TRIM3: variants seen among roughly 807,000 people sequenced by gnomAD.
The protein encoded by TRIM3 is tripartite motif containing 3, also known as tripartite motif-containing protein 3.
TRIM3 carries 13 observed loss-of-function variants against 66.6 expected under a neutral mutation model. The ratio of observed to expected loss-of-function variants is 0.20; its 90% CI spans 0.13 to 0.31. TRIM3 has a LOEUF of 0.31. TRIM3 is among the 10% of genes least tolerant of loss of function. The probability of loss-of-function intolerance (pLI) is 1.00; values close to 1 mark genes in which losing one functional copy is unlikely to be tolerated. For missense variants in TRIM3, 711 were observed against 1,020.4 expected (o/e 0.70, Z 4.13); for synonymous variants, 406 against 411.7 (o/e 0.99, Z 0.17).
chr11:6,467,719 C>T lies in TRIM3; in HGVS notation c.-37-1987G>A, dbSNP rs780505279. 2.0e-4 allele frequency among the ~76,000 whole-genome samples: 31 copies of T among 151,946 alleles called. 2 individuals are homozygous for T. Among genetic ancestry groups the T allele is most frequent in the Non-Finnish European group, 2.9e-4 (20 of 68,010 alleles). ...GGTCGAGGCTGCAGTGAGCCATAAT[C>T]GTGCCACTGCACTCTAGCCTGGCAT... On this transcript the variant is annotated intron_variant, in intron 1 of 11. Coordinates refer to ENST00000345851, the MANE Select transcript of TRIM3 (RefSeq NM_033278.4).
rs976900104 is a variant in TRIM3, at chr11:6,448,674, T to C, written c.*354A>G. 2.5e-5 allele frequency: 14 copies of C among 568,180 alleles called. No homozygotes were observed. Among genetic ancestry groups the C allele is most frequent in the Non-Finnish European group, 3.8e-5 (12 of 317,288 alleles). 35.2% of individuals were successfully genotyped at this position (568,180 alleles called of 1,614,324 possible). The stretch of plus-strand genomic sequence containing the variant: ...GTATTGCTGTCTCTGTCAGTGTGTA[T>C]AGGGTGGTAGGGAGACAACTAGAGG... On this transcript the variant is annotated 3_prime_UTR_variant, in exon 12 of 12. Coordinates refer to ENST00000345851, the MANE Select transcript of TRIM3 (RefSeq NM_033278.4).
At chr11:6,451,241 G>T in intron 8 of TRIM3, 30 bp downstream of exon 8, 1 of 1,613,530 alleles carries the variant, frequency 6.2e-7, no homozygotes, top group Non-Finnish European at 8.5e-7. Context: ...CTGGACACCA[G>T]GGTAAGTAAA....
Position 6,456,050 on chromosome 11 carries a change from G to A in TRIM3, c.1533+22C>T. ...TGAAAACTCTTATTTTGGTGGTGGA[G>A]GAGAGCGGTAAAGGTGCTTACCTGA... On this transcript the variant is annotated intron_variant, in intron 7 of 11. Transcript: ENST00000345851. This position sits in a 1 kb window ranked among gnomAD's most constrained non-coding sequence, Gnocchi z 6.4. 3.7e-6 allele frequency: 6 copies of A among 1,607,772 alleles called. No individual in the cohort carries two copies. The highest frequency in any genetic ancestry group is 5.1e-6 in the Non-Finnish European group (6 of 1,174,288).
In TRIM3 at chr11:6,457,168, G is replaced by C; in HGVS notation, c.696+128C>G. 1 of 1,515,952 alleles carries C rather than the reference G, an allele frequency of 6.6e-7. No homozygotes were observed. Among genetic ancestry groups the C allele is most frequent in the Non-Finnish European group, 8.9e-7 (1 of 1,122,204 alleles). 93.9% of individuals were successfully genotyped at this position (1,515,952 alleles called of 1,614,324 possible). On this transcript the variant is annotated intron_variant, in intron 5 of 11. Transcript: ENST00000345851. This position sits in a 1 kb window ranked among gnomAD's most constrained non-coding sequence, Gnocchi z 4.5. ...GACACAGATGCCCACAGCACCTACCGAGGGCATGTCAGGAGGCAGAATATC... is the reference window on the plus strand; with the variant it reads ...GACACAGATGCCCACAGCACCTACCCAGGGCATGTCAGGAGGCAGAATATC...
Position 6,449,578 on chromosome 11 carries a change from A to G in TRIM3, c.1942-132T>C. 1.2e-6 allele frequency: 1 copy of G among 817,912 alleles called. No individual in the cohort carries two copies. Among genetic ancestry groups the G allele is most frequent in the Admixed American group, 2.9e-5 (1 of 34,348 alleles). 50.7% of individuals were successfully genotyped at this position (817,912 alleles called of 1,614,324 possible). A position where few individuals can be genotyped will look rare whatever the true frequency, so the allele number is the denominator to read the frequency against. ...TACAGCTACAGCCCAAATCTGCTTC[A>G]TAGGCTTCACATCCATGTGCCCTAC... is the stretch of plus-strand genomic sequence containing the variant. On this transcript the variant is annotated intron_variant, in intron 10 of 11. Transcript: ENST00000345851. This position sits in a 1 kb window ranked among gnomAD's most constrained non-coding sequence, Gnocchi z 5.3.
At chr11:6,462,030 G>A (rs535113956) in intron 2 of TRIM3, among the ~76,000 whole-genome samples, 26 of 152,202 alleles carry the variant, frequency 1.7e-4, no homozygotes, top group African/African-American at 5.8e-4. Context: ...ATCTGAACAT[G>A]TCCTGTCTAC....
At chr11:6,455,932 T>G in intron 7 of TRIM3, 140 bp downstream of exon 7, 1 of 829,234 alleles carries the variant, frequency 1.2e-6, no homozygotes, top group South Asian at 1.7e-5. Context: ...GGGTGATCCT[T>G]TGATTCACTG....
Position 6,456,902 on chromosome 11 carries a change from C to G in TRIM3, c.824G>C (p.Arg275Pro). Residue 275 changes from arginine to proline, a missense_variant, in exon 6 of 12, where the codon CGA becomes CCA. Around this residue, in one of 3 missense-constraint regions of TRIM3, gnomAD observed 399 missense variants for 458.1 expected, o/e 0.87. Transcript: ENST00000345851. This position sits in a 1 kb window ranked among gnomAD's most constrained non-coding sequence, Gnocchi z 6.4. ...TGCCGCCAATGCAGCCAGCCGCTCT[C>G]GCATGTGCTTGCGCACCAGCAACAC... ...PEVLLVRKHM[R>P]ERLAALAAQA... 1 of 1,612,312 alleles carries G rather than the reference C, an allele frequency of 6.2e-7. No homozygotes were observed. Among genetic ancestry groups the G allele is most frequent in the Non-Finnish European group, 8.5e-7 (1 of 1,179,988 alleles).
In TRIM3 at chr11:6,456,781, C is replaced by T; in HGVS notation, c.945G>A (p.Leu315=). ...CGTGTGCAGTGGCGCTCGTGGTGAGCAGTGCGCCCAGATTGAGCACCGATC... is the reference window on the plus strand; with the variant it reads ...CGTGTGCAGTGGCGCTCGTGGTGAGTAGTGCGCCCAGATTGAGCACCGATC... ...LRRSVLNLGA[L]LTTSATAHET... The change falls in exon 6 of 12, where the codon CTG becomes CTA. Residue 315 remains leucine, a synonymous_variant. Transcript: ENST00000345851. The surrounding 1 kb of genome is among the most constrained non-coding windows in gnomAD (Gnocchi z 6.4). 6.2e-7 allele frequency: 1 copy of T among 1,612,262 alleles called. No homozygotes were observed. Among genetic ancestry groups the T allele is most frequent in the Non-Finnish European group, 8.5e-7 (1 of 1,179,948 alleles).
rs769338273 is a variant in TRIM3, at chr11:6,456,721, C to G, written c.1005G>C (p.Ala335=). The change falls in exon 6 of 12, where the codon GCG becomes GCC. Residue 335 remains alanine (A), a synonymous_variant. Transcript: ENST00000345851. This position sits in a 1 kb window ranked among gnomAD's most constrained non-coding sequence, Gnocchi z 6.4. Reference sequence around the variant, plus strand: ...TGAGCGAGGCAGGCTGGCCCACTAGCGCCTGGCGCAGGCCCTCTCCCGTGG... The same window carrying G: ...TGAGCGAGGCAGGCTGGCCCACTAGGGCCTGGCGCAGGCCCTCTCCCGTGG... ...TVATGEGLRQ[A]LVGQPASLTV... The G allele has an allele frequency of 6.2e-7, 1 of 1,608,658 alleles. No individual in the cohort carries two copies. Among genetic ancestry groups the G allele is most frequent in the South Asian group, 1.1e-5 (1 of 91,018 alleles).
At position 6,457,118 on chromosome 11, in the gene TRIM3, T is replaced by G; in HGVS notation, c.697-89A>C. 2.6e-6 allele frequency: 4 copies of G among 1,531,678 alleles called. No individual in the cohort carries two copies. Among genetic ancestry groups the G allele is most frequent in the Middle Eastern group, 2.1e-4 (1 of 4,872 alleles). 94.9% of individuals were successfully genotyped at this position (1,531,678 alleles called of 1,614,324 possible). On this transcript the variant is annotated intron_variant, in intron 5 of 11. Coordinates refer to ENST00000345851, the MANE Select transcript of TRIM3 (RefSeq NM_033278.4). The surrounding 1 kb of genome is among the most constrained non-coding windows in gnomAD (Gnocchi z 4.5). ...GAAGTTGTAGCACTGTGGCATAAAA[T>G]ACAAGAGGGTGCCTGTGGACAGAGG...
At chr11:6,460,561 AG>A (rs772991219) in intron 2 of TRIM3, among the ~76,000 whole-genome samples, 2 of 152,100 alleles carry the variant, frequency 1.3e-5, no homozygotes, top group Non-Finnish European at 2.9e-5. Context: ...AAAGGAGAGG[AG>A]GATATAGAGA....
chr11:6,458,892 A>G lies in TRIM3; in HGVS notation c.132-596T>C, dbSNP rs569480572. Reference sequence around the variant, plus strand: ...CAAGGACTCTTCCTTTGTAAGATGGAGAAGTACAGACTTCACAGAGTGTTA... The same window carrying G: ...CAAGGACTCTTCCTTTGTAAGATGGGGAAGTACAGACTTCACAGAGTGTTA... On this transcript the variant is annotated intron_variant, in intron 2 of 11. Transcript: ENST00000345851. This position sits in a 1 kb window ranked among gnomAD's most constrained non-coding sequence, Gnocchi z 6.2. 6.6e-6 allele frequency among the ~76,000 whole-genome samples: 1 copy of G among 152,356 alleles called. No homozygotes were observed. Among genetic ancestry groups the G allele is most frequent in the East Asian group, 1.9e-4 (1 of 5,194 alleles).
intron 1 of TRIM3, among the ~76,000 whole-genome samples, chr11:6,468,831 T>C (rs1055264763): frequency 6.6e-6 from 1 of 151,608 alleles, no homozygotes; most frequent in African/African-American, 2.4e-5. Context: ...GTTGGATGCA[T>C]TATGAGCCTT....
At chr11:6,454,261 T>C (rs188404021) in intron 7 of TRIM3, among the ~76,000 whole-genome samples, 5 of 151,916 alleles carry the variant, frequency 3.3e-5, no homozygotes, top group Non-Finnish European at 7.4e-5. Flanking sequence ...TATAGTGGCA[T>C]GCGCCTGTAG....
intron 2 of TRIM3, among the ~76,000 whole-genome samples, chr11:6,464,986 CA>C (rs544959608): frequency 0.015 from 804 of 54,124 alleles, 6 homozygotes; most frequent in African/African-American, 0.035. Flanking sequence ...GACTCCATCT[CA>C]AAAAAAAAAA....
intron 7 of TRIM3, chr11:6,452,775 C>G (rs1849786600): frequency 6.6e-6 from 1 of 152,138 alleles, no homozygotes; most frequent in Non-Finnish European, 1.5e-5. Context: ...GAGGTAATGC[C>G]CCTCCAGTTT....
chr11:6,457,679 C>A lies in TRIM3; in HGVS notation c.515+17G>T. ...TCCCTGTGGCCCCACCAGCCCAGGA[C>A]CCTGCCCAGTGCCTACCGGCCACGC... On this transcript the variant is annotated intron_variant, in intron 4 of 11. Coordinates refer to ENST00000345851, the MANE Select transcript of TRIM3 (RefSeq NM_033278.4). The surrounding 1 kb of genome is among the most constrained non-coding windows in gnomAD (Gnocchi z 4.5). 1.2e-6 allele frequency: 2 copies of A among 1,607,494 alleles called. No individual in the cohort carries two copies. The highest frequency in any genetic ancestry group is 1.7e-6 in the Non-Finnish European group (2 of 1,175,576).
chr11:6,471,971 AT>A (rs1390679765), intron 1 of TRIM3, among the ~76,000 whole-genome samples: 1 of 152,206 alleles, frequency 6.6e-6, no homozygotes, highest in Non-Finnish European at 1.5e-5. Context: ...TATGCTAAAA[AT>A]AAATAAATCT....
Sources: allele counts gnomAD v4.1 joint callset (sites outside exome capture counted in the v4.1 genomes callset), GRCh38; gene constraint gnomAD v4.1.1; regional missense constraint gnomAD v4.1.1; non-coding constraint Gnocchi (gnomAD v3.1); transcripts MANE v1.5; gene names NCBI Gene and HGNC (gene_info 2026-07-23, HGNC 2026-07-21).